PCDHAC2: variants seen among roughly 807,000 people sequenced by gnomAD.
PCDHAC2 encodes the protein protocadherin alpha subfamily C, 2, also known as protocadherin alpha-C2.
PCDHAC2 carries 24 observed loss-of-function variants against 63.3 expected under a neutral mutation model. The observed-to-expected ratio is 0.38, with a 90% CI of 0.27 to 0.53. PCDHAC2 has a LOEUF of 0.53. Ranked by LOEUF, PCDHAC2 falls within the 20% of genes least tolerant of loss-of-function variation. PCDHAC2 has a pLI of 0.81. For synonymous variants in PCDHAC2, 569 were observed against 529.4 expected (o/e 1.07, Z -1.03); for missense variants, 1,181 against 1,275.2 (o/e 0.93, Z 1.12).
At chr5:140,978,903 C>T in intron 1 of PCDHAC2, 46 bp from the exon 2 acceptor site, 4 of 1,613,202 alleles carry the variant, frequency 2.5e-6, no homozygotes, top group Middle Eastern at 1.7e-4. Flanking sequence ...CCTGGGAGAA[C>T]ATTGTCTTGT....
chr5:140,994,233 T>A (rs2097606681), intron 3 of PCDHAC2, among the ~76,000 whole-genome samples: 1 of 152,138 alleles, frequency 6.6e-6, no homozygotes, highest in Admixed American at 6.5e-5. Context: ...TATGTTATAA[T>A]CAATTCAAAC....
intron 3 of PCDHAC2, among the ~76,000 whole-genome samples, chr5:140,992,959 T>A (rs1262703040): frequency 6.6e-6 from 1 of 152,206 alleles, no homozygotes; most frequent in Non-Finnish European, 1.5e-5. Context: ...TCACCCCTTA[T>A]ACTGCTGACA....
chr5:140,991,139 G>GT (rs1563571112), intron 3 of PCDHAC2, among the ~76,000 whole-genome samples: 3 of 152,126 alleles, frequency 2.0e-5, no homozygotes, highest in Non-Finnish European at 4.4e-5. Flanking sequence ...TAGTAAAAAT[G>GT]TTTTTTGCTC....
At chr5:141,006,108 T>C (rs1268824828) in intron 3 of PCDHAC2, among the ~76,000 whole-genome samples, 5 of 151,864 alleles carry the variant, frequency 3.3e-5, no homozygotes. Context: ...GTAAGGAGTT[T>C]TTTTTTTTTT....
At position 141,011,529 on chromosome 5, in the gene PCDHAC2, G is replaced by A. The variant is rs2098420955; in HGVS notation, c.*1592G>A. On this transcript the variant is annotated 3_prime_UTR_variant, in exon 4 of 4. Coordinates refer to ENST00000289269, the MANE Select transcript of PCDHAC2 (RefSeq NM_018899.6). ...GTGGAGTAGTGTTTTTTTAACCATT[G>A]TTAATCAGCTTTTGTGTATGAAAGA... 1.3e-5 allele frequency: 2 copies of A among 153,538 alleles called. No homozygotes were observed. The highest frequency in any genetic ancestry group is 3.9e-4 in the East Asian group (2 of 5,188). The allele number at this position is 153,538 out of a possible 1,614,324, so 9.5% of individuals were successfully genotyped here.
rs1554244374 is a variant in PCDHAC2 at position 140,982,509 on chromosome 5, GC to G, written c.2660del (p.Ala887ValfsTer85). ...VHLEEAGILR[A>X]GPGGPDQQWP... is the part of the protein sequence containing the mutation. ...CCTAGAGGAGGCTGGCATTCTACGGGCTGGTCCAGGAGGGCCTGATCAGCAG... is the reference window on the plus strand; with the variant it reads ...CCTAGAGGAGGCTGGCATTCTACGGGTGGTCCAGGAGGGCCTGATCAGCAG... On this transcript the variant is annotated frameshift_variant, in exon 3 of 4. Transcript: ENST00000289269. LOFTEE classifies it high-confidence loss of function. 6.2e-7 allele frequency: 1 copy of G among 1,614,206 alleles called. No homozygotes were observed. Among genetic ancestry groups the G allele is most frequent in the Non-Finnish European group, 8.5e-7 (1 of 1,180,032 alleles).
In PCDHAC2 at chr5:140,968,955, A is replaced by G; in HGVS notation, c.2189A>G (p.Lys730Arg). The G allele has an allele frequency of 1.2e-6, 2 of 1,614,220 alleles. No homozygotes were observed. The highest frequency in any genetic ancestry group is 1.7e-6 in the Non-Finnish European group (2 of 1,180,042). ...LLTIIILSII[K>R]CYRYTAYGTA... ...ACAATCATCATTTTGAGCATCATCA[A>G]GTGCTACCGCTACACTGCGTATGGC... The change falls in exon 1 of 4, where the codon AAG becomes AGG. Residue 730 changes from lysine (K) to arginine (R), a missense_variant. Lys to Arg is a conservative substitution (Grantham distance 26, BLOSUM62 2). Around this residue, in one of 3 missense-constraint regions of PCDHAC2, gnomAD observed 968 missense variants for 1,073.5 expected, o/e 0.90. Coordinates refer to ENST00000289269, the MANE Select transcript of PCDHAC2 (RefSeq NM_018899.6).
chr5:140,983,429 T>G (rs2097050099), intron 3 of PCDHAC2, among the ~76,000 whole-genome samples: 1 of 152,214 alleles, frequency 6.6e-6, no homozygotes, highest in South Asian at 2.1e-4. Flanking sequence ...AGACCACAAA[T>G]TGTGTCTACT....
chr5:140,997,324 T>C (rs1447294871), intron 3 of PCDHAC2, among the ~76,000 whole-genome samples: 1 of 152,202 alleles, frequency 6.6e-6, no homozygotes, highest in Non-Finnish European at 1.5e-5. Context: ...TAGGCAGTTT[T>C]TTCGTTGTAC....
chr5:140,969,011 A>G lies in PCDHAC2; in HGVS notation c.2245A>G (p.Arg749Gly), dbSNP rs1554231347. The change falls in exon 1 of 4, where the codon AGG (arginine) becomes GGG (glycine). Residue 749 changes from arginine (R) to glycine (G), a missense_variant. Arg to Gly is a moderately radical substitution (Grantham distance 125). This residue lies in a region of PCDHAC2 where 968 missense variants were observed against 1,073.5 expected (regional missense o/e 0.90). Transcript: ENST00000289269. Reference protein sequence around the residue: ...TACCGGFCGVRERSPAELYKQ... With the variant: ...TACCGGFCGVGERSPAELYKQ... Reference sequence around the variant, plus strand: ...ATGCTGTGGAGGCTTCTGTGGAGTAAGGGAAAGGTCCCCTGCAGAACTGTA... The same window carrying G: ...ATGCTGTGGAGGCTTCTGTGGAGTAGGGGAAAGGTCCCCTGCAGAACTGTA... The G allele has an allele frequency of 2.5e-6, 4 of 1,614,084 alleles. No individual in the cohort carries two copies. In the South Asian group the frequency reaches 4.4e-5, roughly 18 times the overall value.
At chr5:140,981,338 G>A (rs1563488090) in intron 2 of PCDHAC2, among the ~76,000 whole-genome samples, 1 of 152,100 alleles carries the variant, frequency 6.6e-6, no homozygotes, top group Non-Finnish European at 1.5e-5. Context: ...CTTTGGGAGG[G>A]TGAGGCAGGT....
In PCDHAC2 at chr5:140,996,437, G is replaced by A. The variant is rs1013018828; in HGVS notation, c.2714-13190G>A. On this transcript the variant is annotated intron_variant, in intron 3 of 3. Coordinates refer to ENST00000289269, the MANE Select transcript of PCDHAC2 (RefSeq NM_018899.6). Reference sequence around the variant, plus strand: ...AGTGTGAAAACTTTGGGAATAGTCAGTGTCAAGTTGTGGTGCTAAGGGAGG... The same window carrying A: ...AGTGTGAAAACTTTGGGAATAGTCAATGTCAAGTTGTGGTGCTAAGGGAGG... Among the ~76,000 whole-genome samples the A allele has an allele frequency of 4.6e-5, 7 of 152,224 alleles. 1 individual carries two copies. The highest frequency in any genetic ancestry group is 2.6e-4 in the Admixed American group (4 of 15,280).
chr5:141,005,335 G>A, intron 3 of PCDHAC2, among the ~76,000 whole-genome samples: 1 of 152,148 alleles, frequency 6.6e-6, no homozygotes, highest in Middle Eastern at 3.2e-3. Context: ...ATAGGCCAAG[G>A]GGGTGCTGCT....
At chr5:141,007,030 A>G (rs1554261014) in intron 3 of PCDHAC2, among the ~76,000 whole-genome samples, 1 of 152,186 alleles carries the variant, frequency 6.6e-6, no homozygotes, top group African/African-American at 2.4e-5. Flanking sequence ...TATGGTATTT[A>G]TATCTATGGA....
chr5:140,989,889 C>T (rs1220430844), intron 3 of PCDHAC2, among the ~76,000 whole-genome samples: 3 of 151,522 alleles, frequency 2.0e-5, no homozygotes, highest in Admixed American at 6.6e-5. Flanking sequence ...TTGGAGTCTC[C>T]GTTATTCACA....
Position 141,012,065 on chromosome 5 carries a change from T to G in PCDHAC2, c.*2128T>G, listed in dbSNP as rs2098422876. The G allele has an allele frequency of 6.5e-6, 1 of 153,794 alleles. No individual in the cohort carries two copies. Among genetic ancestry groups the G allele is most frequent in the Non-Finnish European group, 1.5e-5 (1 of 68,044 alleles). The allele number at this position is 153,794 out of a possible 1,614,324, so 9.5% of individuals were successfully genotyped here. A position where few individuals can be genotyped will look rare whatever the true frequency, so the allele number is the denominator to read the frequency against. ...GGGTAAAACTTGTTACCAACACATGTGAACCATTGCTACATTGTAGGTTGT... is the reference window on the plus strand; with the variant it reads ...GGGTAAAACTTGTTACCAACACATGGGAACCATTGCTACATTGTAGGTTGT... On this transcript the variant is annotated 3_prime_UTR_variant, in exon 4 of 4. Transcript: ENST00000289269.
At position 141,010,207 on chromosome 5, in the gene PCDHAC2, A is replaced by C; in HGVS notation, c.*270A>C. The C allele has an allele frequency of 6.4e-7, 1 of 1,551,870 alleles. No homozygotes were observed. ...CCAAGTTTCCTTTCTCCTCCGCCGC[A>C]AAGGAGAGGCTTCCCAGCCCCGCCA... On this transcript the variant is annotated 3_prime_UTR_variant, in exon 4 of 4. Transcript: ENST00000289269.
chr5:140,968,170 C>G lies in PCDHAC2; in HGVS notation c.1404C>G (p.Ser468Arg). 6.2e-7 allele frequency: 1 copy of G among 1,614,132 alleles called. No homozygotes were observed. The highest frequency in any genetic ancestry group is 1.6e-4 in the Middle Eastern group (1 of 6,062). ...EISDINDNPP[S>R]FLEDSYSIYI... ...CTGACATCAATGACAATCCACCAAGCTTCCTGGAGGACTCCTATTCCATCT... is the reference window on the plus strand; with the variant it reads ...CTGACATCAATGACAATCCACCAAGGTTCCTGGAGGACTCCTATTCCATCT... The change falls in exon 1 of 4, where the codon AGC becomes AGG. Residue 468 changes from serine to arginine, a missense_variant. Around this residue, in one of 3 missense-constraint regions of PCDHAC2, gnomAD observed 968 missense variants for 1,073.5 expected, o/e 0.90. Coordinates refer to ENST00000289269, the MANE Select transcript of PCDHAC2 (RefSeq NM_018899.6).
chr5:140,970,752 T>A (rs1324041619), intron 1 of PCDHAC2, among the ~76,000 whole-genome samples: 1 of 152,244 alleles, frequency 6.6e-6, no homozygotes, highest in Non-Finnish European at 1.5e-5. Context: ...CAATATATTT[T>A]CATTGACATA....
Sources: allele counts gnomAD v4.1 joint callset (sites outside exome capture counted in the v4.1 genomes callset), GRCh38; gene constraint gnomAD v4.1.1; regional missense constraint gnomAD v4.1.1; transcripts MANE v1.5; gene names NCBI Gene and HGNC (gene_info 2026-07-23, HGNC 2026-07-21).